Variants in NRP2 observed in about 807,000 individuals in gnomAD.
NRP2 encodes neuropilin-2.
A neutral mutation model predicts 110.4 loss-of-function variants in NRP2; 52 were observed. The observed-to-expected ratio is 0.47, with a 90% CI of 0.38 to 0.59. The LOEUF is 0.59. Among genes scored for constraint, NRP2 ranks in the 20% least tolerant of loss-of-function variants. NRP2 has a pLI of 0.00. For synonymous variants in NRP2, 508 were observed against 468.9 expected (o/e 1.08, Z -1.08); for missense variants, 1,049 against 1,203.0 (o/e 0.87, Z 1.89).
intron 15 of NRP2, among the ~76,000 whole-genome samples, chr2:205,769,319 G>C (rs2057979594): frequency 6.6e-6 from 1 of 152,138 alleles, no homozygotes; most frequent in Non-Finnish European, 1.5e-5. Flanking sequence ...AGCAATCACT[G>C]TACAGGTAAA....
At chr2:205,753,806 C>T (rs942960104) in intron 12 of NRP2, among the ~76,000 whole-genome samples, 3 of 152,184 alleles carry the variant, frequency 2.0e-5, no homozygotes, top group African/African-American at 7.2e-5. Flanking sequence ...ACCAACACAA[C>T]ATCAATGGAG....
chr2:205,722,231 C>A, intron 3 of NRP2: 1 of 561,310 alleles, frequency 1.8e-6, no homozygotes, highest in Admixed American at 2.9e-5. Context: ...ACCTCCACCC[C>A]ACTCCCCAAT....
intron 15 of NRP2, among the ~76,000 whole-genome samples, chr2:205,773,806 C>T: frequency 6.6e-6 from 1 of 152,188 alleles, no homozygotes; most frequent in Non-Finnish European, 1.5e-5. Context: ...GGAAAGCAGA[C>T]TTTTGAACAA....
At chr2:205,741,882 A>G (rs2057448093) in intron 8 of NRP2, among the ~76,000 whole-genome samples, 1 of 152,196 alleles carries the variant, frequency 6.6e-6, no homozygotes, top group Admixed American at 6.5e-5. Context: ...GGAAACCAAG[A>G]CTCAAAGAGG....
chr2:205,765,421 C>T (rs2057898781), intron 13 of NRP2, 53 bp from the exon 14 acceptor site: 9 of 1,471,580 alleles, frequency 6.1e-6, no homozygotes, highest in Admixed American at 3.3e-5. Context: ...ATCCTTGCAC[C>T]GTTTGGACTA....
intron 2 of NRP2, among the ~76,000 whole-genome samples, chr2:205,711,810 G>A (rs1409612702): frequency 6.6e-6 from 1 of 152,178 alleles, no homozygotes; most frequent in Non-Finnish European, 1.5e-5. Context: ...TCTGACAAGG[G>A]CCAGACATTT....
At chr2:205,692,178 G>A (rs1575540814) in intron 1 of NRP2, among the ~76,000 whole-genome samples, 3 of 152,256 alleles carry the variant, frequency 2.0e-5, no homozygotes, top group Middle Eastern at 6.8e-3. Flanking sequence ...AGTTCAGAAG[G>A]ATTTCCATTT....
intron 7 of NRP2, among the ~76,000 whole-genome samples, chr2:205,732,262 A>G (rs1216003697): frequency 5.9e-5 from 9 of 152,184 alleles, no homozygotes; most frequent in African/African-American, 2.2e-4. Flanking sequence ...AGGAGTTGCC[A>G]TTTGTTTGAT....
chr2:205,790,619 T>C (rs1454695458), intron 15 of NRP2, among the ~76,000 whole-genome samples: 1 of 151,902 alleles, frequency 6.6e-6, no homozygotes, highest in African/African-American at 2.4e-5. Context: ...AACCAATTAA[T>C]TGTTGGAAAT....
In NRP2 at chr2:205,795,349, G is replaced by A; in HGVS notation, c.*291G>A. On this transcript the variant is annotated 3_prime_UTR_variant, in exon 17 of 17. Coordinates refer to ENST00000357785, the MANE Select transcript of NRP2 (RefSeq NM_003872.3). ...CTCTTTGGGGTCACAGTTCTATTTT[G>A]TTTGTGAGTTTGTATTATTATTATT... is the stretch of plus-strand genomic sequence containing the variant. 1 of 198,588 alleles carries A rather than the reference G, an allele frequency of 5.0e-6. No homozygotes were observed. The highest frequency in any genetic ancestry group is 1.0e-4 in the South Asian group (1 of 10,040). The allele number at this position is 198,588 out of a possible 1,614,324, so 12.3% of individuals were successfully genotyped here. A position where few individuals can be genotyped will look rare whatever the true frequency, so the allele number is the denominator to read the frequency against.
At chr2:205,794,653 T>C in intron 16 of NRP2, 101 bp from the exon 17 acceptor site, 1 of 1,204,988 alleles carries the variant, frequency 8.3e-7, no homozygotes, top group Non-Finnish European at 1.2e-6. Flanking sequence ...CTGCTGCTGC[T>C]AACTACTGTG....
chr2:205,760,423 C>T (rs1303753081), intron 12 of NRP2, among the ~76,000 whole-genome samples: 1 of 152,138 alleles, frequency 6.6e-6, no homozygotes, highest in Non-Finnish European at 1.5e-5. Flanking sequence ...AATGATTTAA[C>T]GAAGTGAAAT....
chr2:205,765,021 G>C (rs1268917323), intron 13 of NRP2, among the ~76,000 whole-genome samples: 1 of 152,110 alleles, frequency 6.6e-6, no homozygotes, highest in Non-Finnish European at 1.5e-5. Context: ...CTTATAATAA[G>C]GAGCACAAAT....
In NRP2 at chr2:205,705,178, T is replaced by C. The variant is rs1161970889; in HGVS notation, c.251+7457T>C. On this transcript the variant is annotated intron_variant, in intron 2 of 16. Transcript: ENST00000357785. Reference sequence around the variant, plus strand: ...CTTATACTTCTGCCTGGATAAATAATTCCAGAAAAAAAAAAAAAAGATATC... The same window carrying C: ...CTTATACTTCTGCCTGGATAAATAACTCCAGAAAAAAAAAAAAAAGATATC... Among the ~76,000 whole-genome samples, 40 of 48,776 alleles carry C rather than the reference T, an allele frequency of 8.2e-4. No individual in the cohort carries two copies. The East Asian group carries it at 0.026, about 32-fold the overall frequency. 32.0% of individuals were successfully genotyped at this position (48,776 alleles called of 152,430 possible).
chr2:205,774,490 G>T (rs563491561), intron 15 of NRP2, among the ~76,000 whole-genome samples: 1 of 152,186 alleles, frequency 6.6e-6, no homozygotes, highest in African/African-American at 2.4e-5. Flanking sequence ...CTGTCAAGGT[G>T]TGTGCAGAGC....
chr2:205,731,761 T>TGAA (rs1280801465), intron 7 of NRP2, among the ~76,000 whole-genome samples: 1 of 151,870 alleles, frequency 6.6e-6, no homozygotes, highest in Non-Finnish European at 1.5e-5. Flanking sequence ...GATGGATGGG[T>TGAA]GAAGATAGGG....
chr2:205,707,402 T>C (rs565931960), intron 2 of NRP2, among the ~76,000 whole-genome samples: 1 of 152,260 alleles, frequency 6.6e-6, no homozygotes, highest in Non-Finnish European at 1.5e-5. Context: ...CACCATGGTG[T>C]TTTTTGCACA....
intron 15 of NRP2, among the ~76,000 whole-genome samples, chr2:205,791,919 A>T (rs2105975573): frequency 6.6e-6 from 1 of 152,322 alleles, no homozygotes; most frequent in East Asian, 1.9e-4. Flanking sequence ...ATAAGATGCC[A>T]TTGAAGGTGC....
intron 10 of NRP2, among the ~76,000 whole-genome samples, chr2:205,749,258 T>C (rs2105888755): frequency 6.6e-6 from 1 of 152,312 alleles, no homozygotes; most frequent in African/African-American, 2.4e-5. Context: ...GGTGTTTGGA[T>C]CCAGGAAACA....
Sources: gnomAD v4.1 joint callset for allele counts (sites outside exome capture counted in the v4.1 genomes callset) on GRCh38, gnomAD v4.1.1 for gene constraint, MANE v1.5 for transcripts, NCBI Gene and HGNC (gene_info 2026-07-23, HGNC 2026-07-21) for gene names.